DHDDS: variants seen among roughly 807,000 people sequenced by gnomAD.
DHDDS encodes dehydrodolichyl diphosphate synthase complex subunit DHDDS.
In DHDDS, 16 loss-of-function variants were observed where a neutral mutation model predicts 46.2. The observed-to-expected ratio is 0.35, with a 90% CI of 0.23 to 0.53. DHDDS has a LOEUF of 0.53. DHDDS is among the 20% of genes least tolerant of loss of function. The probability of loss-of-function intolerance (pLI) is 0.94; values close to 1 mark genes in which losing one functional copy is unlikely to be tolerated. For missense variants in DHDDS, 340 were observed against 423.7 expected, an observed-to-expected ratio of 0.80 and a Z score of 1.73; for synonymous variants, 151 against 163.1, an observed-to-expected ratio of 0.93 and a Z score of 0.56.
rs1195294863 is a variant in DHDDS at position 26,439,182 on chromosome 1, CA to C, written c.180+899del. ...CTGACCTCAGGTGATCCACCCCCTTCAGCCTCCCAAAGTGCTGGGATTACAG... is the reference window on the plus strand; with the variant it reads ...CTGACCTCAGGTGATCCACCCCCTTCGCCTCCCAAAGTGCTGGGATTACAG... On this transcript the variant is annotated intron_variant, in intron 3 of 8. Transcript: ENST00000236342. Among the ~76,000 whole-genome samples the C allele has an allele frequency of 1.4e-4, 21 of 152,308 alleles. 1 individual carries two copies. Among genetic ancestry groups the C allele is most frequent in the Admixed American group, 1.3e-3 (20 of 15,300 alleles).
chr1:26,455,093 G>A, intron 6 of DHDDS: 1 of 822,636 alleles, frequency 1.2e-6, no homozygotes. Flanking sequence ...GGCCTGGGCA[G>A]TTTCACGAAT....
intron 6 of DHDDS, among the ~76,000 whole-genome samples, chr1:26,454,243 G>A (rs2075349376): frequency 2.0e-5 from 3 of 152,066 alleles, no homozygotes; most frequent in South Asian, 2.1e-4. Context: ...GTGAGCCACC[G>A]CGCCTGGCCA....
At chr1:26,454,154 C>G (rs945430282) in intron 6 of DHDDS, among the ~76,000 whole-genome samples, 1 of 152,116 alleles carries the variant, frequency 6.6e-6, no homozygotes, top group Admixed American at 6.6e-5. Flanking sequence ...AGGGTTTCAT[C>G]GTGTTAGCCA....
In DHDDS at chr1:26,446,313, C is replaced by T; in HGVS notation, c.324-3C>T. 6.2e-7 allele frequency: 1 copy of T among 1,613,588 alleles called. No individual in the cohort carries two copies. The highest frequency in any genetic ancestry group is 8.5e-7 in the Non-Finnish European group (1 of 1,179,652). On this transcript the variant is annotated splice_polypyrimidine_tract_variant and splice_region_variant and intron_variant, in intron 4 of 8. Coordinates refer to ENST00000236342, the MANE Select transcript of DHDDS (RefSeq NM_205861.3). ...CCCAATGCTGCCTCTTTTCCCTGAT[C>T]AGGGAGAAACTGCAGAAGCATGGGG...
intron 6 of DHDDS, among the ~76,000 whole-genome samples, chr1:26,450,919 G>A (rs1289430233): frequency 6.6e-6 from 1 of 152,108 alleles, no homozygotes; most frequent in Non-Finnish European, 1.5e-5. Flanking sequence ...AAGGCACAAG[G>A]GTTGACACTA....
chr1:26,434,652 T>C (rs1018184509), intron 2 of DHDDS, among the ~76,000 whole-genome samples: 8 of 151,958 alleles, frequency 5.3e-5, no homozygotes, highest in African/African-American at 1.9e-4. Context: ...AGGGTTTTGT[T>C]TTTTGTGGTT....
rs1218300866 is a variant in DHDDS at position 26,470,862 on chromosome 1, G to C, written c.*1731G>C. The C allele has an allele frequency of 6.5e-6, 1 of 152,750 alleles. No individual in the cohort carries two copies. The highest frequency in any genetic ancestry group is 1.5e-5 in the Non-Finnish European group (1 of 68,150). 9.5% of individuals were successfully genotyped at this position (152,750 alleles called of 1,614,324 possible). A position where few individuals can be genotyped will look rare whatever the true frequency, so the allele number is the denominator to read the frequency against. ...CCCTACAATTAAGGCGGGAATGAGGGGCTGGAGGCAGCAAACGGAATCTGC... is the reference window on the plus strand; with the variant it reads ...CCCTACAATTAAGGCGGGAATGAGGCGCTGGAGGCAGCAAACGGAATCTGC... On this transcript the variant is annotated 3_prime_UTR_variant, in exon 9 of 9. Coordinates refer to ENST00000236342, the MANE Select transcript of DHDDS (RefSeq NM_205861.3).
intron 8 of DHDDS, among the ~76,000 whole-genome samples, chr1:26,466,738 G>A (rs996253544): frequency 1.3e-5 from 2 of 152,188 alleles, no homozygotes; most frequent in Non-Finnish European, 2.9e-5. Flanking sequence ...TTTCTGTTCT[G>A]CCAGAAACTT....
intron 7 of DHDDS, among the ~76,000 whole-genome samples, chr1:26,459,016 G>C (rs1175235401): frequency 6.6e-6 from 1 of 152,154 alleles, no homozygotes; most frequent in African/African-American, 2.4e-5. Context: ...GTATTCCCTT[G>C]GAAAAAAGTG....
At chr1:26,449,029 G>A (rs1285051974) in intron 6 of DHDDS, among the ~76,000 whole-genome samples, 1 of 152,054 alleles carries the variant, frequency 6.6e-6, no homozygotes, top group Non-Finnish European at 1.5e-5. Context: ...TAACAGCTGG[G>A]TGACATTTCT....
intron 2 of DHDDS, 109 bp from the exon 3 acceptor site, chr1:26,438,059 C>A: frequency 9.0e-7 from 1 of 1,105,172 alleles, no homozygotes; most frequent in Non-Finnish European, 1.4e-6. Flanking sequence ...CAATTCCCTT[C>A]GTCAGGGTTT....
At chr1:26,447,334 G>T (rs971052674) in intron 5 of DHDDS, among the ~76,000 whole-genome samples, 1 of 151,952 alleles carries the variant, frequency 6.6e-6, no homozygotes, top group Non-Finnish European at 1.5e-5. Flanking sequence ...AAAAAAAGGA[G>T]CCATTTAGTA....
chr1:26,446,208 C>A, intron 4 of DHDDS, 108 bp from the exon 5 acceptor site: 1 of 848,364 alleles, frequency 1.2e-6, no homozygotes, highest in South Asian at 1.5e-5. Flanking sequence ...CAGGGTCTGA[C>A]ACACAGGAAA....
At chr1:26,454,997 T>C (rs997230988) in intron 6 of DHDDS, 3 of 1,497,806 alleles carry the variant, frequency 2.0e-6, no homozygotes, top group African/African-American at 1.4e-5. Context: ...AGCTCCACCA[T>C]TGTAACGTCG....
At chr1:26,468,076 C>A (rs749151697) in intron 8 of DHDDS, among the ~76,000 whole-genome samples, 3 of 152,176 alleles carry the variant, frequency 2.0e-5, no homozygotes, top group Non-Finnish European at 2.9e-5. Context: ...CACCTGGTGT[C>A]AGAGCTGGTT....
At chr1:26,457,567 A>T (rs2075382740) in intron 6 of DHDDS, among the ~76,000 whole-genome samples, 1 of 5,384 alleles carries the variant, frequency 1.9e-4, no homozygotes, top group Non-Finnish European at 3.2e-4. Context: ...GTATTCTCTA[A>T]AAAAAAAAAA....
In DHDDS at chr1:26,460,025, T is replaced by TACC. The variant is rs2124501126; in HGVS notation, c.658-11_658-9dup. On this transcript the variant is annotated splice_polypyrimidine_tract_variant and intron_variant, in intron 7 of 8. Coordinates refer to ENST00000236342, the MANE Select transcript of DHDDS (RefSeq NM_205861.3). The stretch of plus-strand genomic sequence containing the variant: ...TGTTACTAAATCATACTCTCCTCCC[T>TACC]ACCTTTCCCAGACCTCTCACTCCTG... The TACC allele has an allele frequency of 1.9e-6, 3 of 1,608,218 alleles. No individual in the cohort carries two copies. The highest frequency in any genetic ancestry group is 2.6e-6 in the Non-Finnish European group (3 of 1,174,674).
intron 4 of DHDDS, 176 bp downstream of exon 4, chr1:26,443,049 TAAC>T: frequency 2.7e-6 from 3 of 1,103,240 alleles, no homozygotes; most frequent in African/African-American, 2.7e-5. Flanking sequence ...TCTTTATTTC[TAAC>T]TTTTTAATAA....
intron 8 of DHDDS, among the ~76,000 whole-genome samples, chr1:26,464,294 A>G (rs953531936): frequency 1.3e-5 from 2 of 152,144 alleles, no homozygotes; most frequent in African/African-American, 4.8e-5. Flanking sequence ...CGCCCGGCCT[A>G]TATTTGCAAA....
Sources: allele counts gnomAD v4.1 joint callset (sites outside exome capture counted in the v4.1 genomes callset), GRCh38; gene constraint gnomAD v4.1.1; transcripts MANE v1.5; gene names NCBI Gene and HGNC (gene_info 2026-07-23, HGNC 2026-07-21).